EDIL3: variants seen among roughly 807,000 people sequenced by gnomAD.
EDIL3 encodes EGF like and discoidin domains 3.
A neutral mutation model predicts 67.4 loss-of-function variants in EDIL3; 37 were observed. That is an observed-to-expected ratio of 0.55 (90% confidence interval 0.42 to 0.72). The LOEUF is 0.72. Ranked by LOEUF, EDIL3 falls within the 30% of genes least tolerant of loss-of-function variation. The probability of loss-of-function intolerance (pLI) is 0.00; values close to 1 mark genes in which losing one functional copy is unlikely to be tolerated. For synonymous variants in EDIL3, 195 were observed against 196.3 expected (o/e 0.99, Z 0.05); for missense variants, 527 against 586.3 (o/e 0.90, Z 1.04).
In EDIL3 at chr5:84,180,523, T is replaced by C; in HGVS notation, c.227-2A>G. ...GGCATGGATTAGGAGTGCAGGGACC[T>C]GAAAGACAGAAAAAAATATTTCTGC... On this transcript the variant is annotated splice_acceptor_variant, in intron 3 of 10. Transcript: ENST00000296591. LOFTEE classifies it high-confidence loss of function. 6.4e-7 allele frequency: 1 copy of C among 1,562,678 alleles called. No homozygotes were observed. The highest frequency in any genetic ancestry group is 8.6e-7 in the Non-Finnish European group (1 of 1,160,932).
intron 1 of EDIL3, among the ~76,000 whole-genome samples, chr5:84,294,212 T>A (rs569537736): frequency 1.3e-5 from 2 of 151,574 alleles, no homozygotes; most frequent in African/African-American, 4.8e-5. Flanking sequence ...TGAAACCCCG[T>A]CTCTACTAAA....
chr5:84,009,147 G>T (rs1181471282), intron 9 of EDIL3, among the ~76,000 whole-genome samples: 2 of 152,056 alleles, frequency 1.3e-5, no homozygotes, highest in Admixed American at 6.6e-5. Flanking sequence ...ATCTAAACTT[G>T]GTGGGCCTGC....
At chr5:83,983,239 G>A (rs557444353) in intron 9 of EDIL3, among the ~76,000 whole-genome samples, 6 of 152,044 alleles carry the variant, frequency 3.9e-5, no homozygotes, top group Admixed American at 2.6e-4. Context: ...ATGCTTGTCC[G>A]CTGCTAGATT....
At chr5:84,214,118 C>A (rs184355157) in intron 3 of EDIL3, among the ~76,000 whole-genome samples, 11 of 152,274 alleles carry the variant, frequency 7.2e-5, no homozygotes, top group South Asian at 2.1e-4. Flanking sequence ...GCTGTGGTTT[C>A]CTACCAGTTA....
intron 9 of EDIL3, among the ~76,000 whole-genome samples, chr5:84,033,547 C>A (rs1412850114): frequency 6.6e-6 from 1 of 151,472 alleles, no homozygotes; most frequent in Non-Finnish European, 1.5e-5. Context: ...CCTAAAAGAA[C>A]AATAAAATTA....
At chr5:84,280,559 T>C (rs1354774264) in intron 1 of EDIL3, among the ~76,000 whole-genome samples, 1 of 152,194 alleles carries the variant, frequency 6.6e-6, no homozygotes, top group Non-Finnish European at 1.5e-5. Flanking sequence ...GCACTGTGGT[T>C]AAGAATGTGA....
intron 1 of EDIL3, among the ~76,000 whole-genome samples, chr5:84,259,018 G>C (rs182315403): frequency 2.2e-3 from 320 of 145,042 alleles, no homozygotes; most frequent in Non-Finnish European, 3.5e-3. Context: ...TCTGTGCAGT[G>C]GCGCGATCTC....
chr5:84,127,809 C>G (rs1747893290), intron 5 of EDIL3, among the ~76,000 whole-genome samples: 1 of 152,028 alleles, frequency 6.6e-6, no homozygotes, highest in Non-Finnish European at 1.5e-5. Context: ...TTTTTACTCT[C>G]TTACTTTCTC....
At chr5:83,999,876 G>C (rs185435662) in intron 9 of EDIL3, among the ~76,000 whole-genome samples, 3 of 151,974 alleles carry the variant, frequency 2.0e-5, no homozygotes, top group Admixed American at 2.0e-4. Context: ...CAATGATAAA[G>C]AAAGGATCCT....
chr5:83,984,534 A>C (rs1397919882), intron 9 of EDIL3, among the ~76,000 whole-genome samples: 1 of 152,146 alleles, frequency 6.6e-6, no homozygotes, highest in Admixed American at 6.6e-5. Context: ...TAAAAGCTAC[A>C]TACGGTGACA....
At chr5:84,117,535 T>C (rs1448018903) in intron 5 of EDIL3, among the ~76,000 whole-genome samples, 1 of 151,430 alleles carries the variant, frequency 6.6e-6, no homozygotes, top group Non-Finnish European at 1.5e-5. Flanking sequence ...GCTATAGAGT[T>C]TGGCCTAGTG....
At chr5:84,235,075 C>T (rs1261590100) in intron 2 of EDIL3, among the ~76,000 whole-genome samples, 1 of 152,014 alleles carries the variant, frequency 6.6e-6, no homozygotes, top group Non-Finnish European at 1.5e-5. Flanking sequence ...TATGGAGTTG[C>T]CTGCGGACGT....
At chr5:84,163,201 C>T (rs1255001263) in intron 4 of EDIL3, among the ~76,000 whole-genome samples, 3 of 151,906 alleles carry the variant, frequency 2.0e-5, no homozygotes, top group African/African-American at 7.3e-5. Context: ...AGAAAATGAC[C>T]AGGAAGTTCA....
chr5:84,110,888 C>T lies in EDIL3; in HGVS notation c.470-4058G>A, dbSNP rs1747551788. ...AATGGAGTTTTCACAAGTTGGGATC[C>T]ACTGCAACAGTACATAATGTATGGC... On this transcript the variant is annotated intron_variant, in intron 5 of 10. Transcript: ENST00000296591. Among the ~76,000 whole-genome samples the T allele has an allele frequency of 3.3e-5, 5 of 152,216 alleles. 1 individual carries two copies. The South Asian group carries it at 1.0e-3, about 32-fold the overall frequency.
chr5:84,358,399 T>C (rs184279638), intron 1 of EDIL3, among the ~76,000 whole-genome samples: 1 of 152,262 alleles, frequency 6.6e-6, no homozygotes, highest in Admixed American at 6.5e-5. Context: ...TTTTTGCTAT[T>C]GCTTTCATAT....
At chr5:84,032,861 T>C (rs1243161819) in intron 9 of EDIL3, among the ~76,000 whole-genome samples, 1 of 152,182 alleles carries the variant, frequency 6.6e-6, no homozygotes, top group African/African-American at 2.4e-5. Context: ...ATAAAATATT[T>C]TGAAATATGC....
chr5:84,342,541 T>C (rs960436058), intron 1 of EDIL3, among the ~76,000 whole-genome samples: 3 of 151,970 alleles, frequency 2.0e-5, no homozygotes, highest in Admixed American at 2.0e-4. Flanking sequence ...TGTAATAAAA[T>C]TACAGTTGTA....
At chr5:84,027,069 T>A (rs139378410) in intron 9 of EDIL3, among the ~76,000 whole-genome samples, 1 of 152,172 alleles carries the variant, frequency 6.6e-6, no homozygotes. Context: ...CACTCCAGCC[T>A]GGGTGGTGGG....
intron 3 of EDIL3, among the ~76,000 whole-genome samples, chr5:84,225,987 ATTACT>A (rs1449917411): frequency 2.6e-5 from 4 of 151,686 alleles, no homozygotes; most frequent in Non-Finnish European, 4.4e-5. Flanking sequence ...TATTTATTCT[ATTACT>A]TTACTTTGAG....
Sources: gnomAD v4.1 joint callset for allele counts (sites outside exome capture counted in the v4.1 genomes callset) on GRCh38, gnomAD v4.1.1 for gene constraint, MANE v1.5 for transcripts, NCBI Gene and HGNC (gene_info 2026-07-23, HGNC 2026-07-21) for gene names.